The following ALK variants were observed in gnomAD, a reference collection of about 807,000 sequenced individuals.
ALK encodes the protein ALK tyrosine kinase receptor.
In ALK, 74 loss-of-function variants were observed where a neutral mutation model predicts 163.1. That is an observed-to-expected ratio of 0.45 (90% confidence interval 0.38 to 0.55). The LOEUF (loss-of-function observed/expected upper bound fraction) is 0.55, where lower values mean the gene tolerates loss of function less well. Among genes scored for constraint, ALK ranks in the 20% least tolerant of loss-of-function variants. The pLI, the probability that ALK is intolerant of heterozygous loss-of-function variation, is 0.00. For synonymous variants in ALK, 960 were observed against 843.2 expected, an observed-to-expected ratio of 1.14 and a Z score of -2.40; for missense variants, 2,063 against 2,105.3, an observed-to-expected ratio of 0.98 and a Z score of 0.39.
chr2:29,294,942 A>C (rs1573201705), intron 9 of ALK, among the ~76,000 whole-genome samples: 1 of 152,156 alleles, frequency 6.6e-6, no homozygotes, highest in African/African-American at 2.4e-5. Context: ...GCTGCACTTC[A>C]TTTTCCTTCA....
At chr2:29,917,995 T>C (rs957699996) in intron 1 of ALK, among the ~76,000 whole-genome samples, 8 of 152,244 alleles carry the variant, frequency 5.3e-5, no homozygotes, top group African/African-American at 1.7e-4. Flanking sequence ...AATGCTTCCC[T>C]ACAGCCAATA....
At chr2:29,739,557 CAAA>C (rs111281224) in intron 1 of ALK, among the ~76,000 whole-genome samples, 8 of 71,808 alleles carry the variant, frequency 1.1e-4, no homozygotes, top group Admixed American at 1.6e-4. Context: ...GAATCTGTCT[CAAA>C]AAAAAAAAAA....
intron 8 of ALK, among the ~76,000 whole-genome samples, chr2:29,308,611 CT>C (rs1365123425): frequency 2.0e-5 from 3 of 152,200 alleles, no homozygotes; most frequent in Non-Finnish European, 4.4e-5. Context: ...GGAACGCAAG[CT>C]TTCGTATCAG....
rs1430369916 is a variant in ALK, at chr2:29,275,401, C to T, written c.1912+1G>A. 1 of 1,613,968 alleles carries T rather than the reference C, an allele frequency of 6.2e-7. No individual in the cohort carries two copies. Among genetic ancestry groups the T allele is most frequent in the Non-Finnish European group, 8.5e-7 (1 of 1,179,988 alleles). ...GAGTGCTGGGGTCAGAGTGAACTCA[C>T]TGGTGAGGTAGCAGTCCAGGCTGAT... On this transcript the variant is annotated splice_donor_variant, in intron 10 of 28. Coordinates refer to ENST00000389048, the MANE Select transcript of ALK (RefSeq NM_004304.5). LOFTEE classifies it high-confidence loss of function.
intron 1 of ALK, among the ~76,000 whole-genome samples, chr2:29,817,020 C>A (rs895272056): frequency 6.6e-6 from 1 of 152,124 alleles, no homozygotes; most frequent in Non-Finnish European, 1.5e-5. Context: ...TACATCCTCA[C>A]AACAACCCTA....
intron 3 of ALK, among the ~76,000 whole-genome samples, chr2:29,612,073 A>C (rs1001789864): frequency 1.3e-5 from 2 of 152,124 alleles, no homozygotes; most frequent in East Asian, 3.9e-4. Flanking sequence ...CAGGGCCTGG[A>C]AGTGGCCGAC....
At chr2:29,729,261 C>G (rs1679668204) in intron 1 of ALK, among the ~76,000 whole-genome samples, 1 of 152,150 alleles carries the variant, frequency 6.6e-6, no homozygotes, top group Admixed American at 6.5e-5. Context: ...CCAGGGCCAG[C>G]AAGGTCAGAG....
chr2:29,642,252 C>T (rs898435677), intron 3 of ALK, among the ~76,000 whole-genome samples: 1 of 152,134 alleles, frequency 6.6e-6, no homozygotes, highest in African/African-American at 2.4e-5. Context: ...TTCAAATATG[C>T]ACCTTATTTC....
chr2:29,586,616 T>C (rs2148203043), intron 3 of ALK, among the ~76,000 whole-genome samples: 1 of 152,332 alleles, frequency 6.6e-6, no homozygotes, highest in Admixed American at 6.5e-5. Context: ...GTGGTCCTGT[T>C]ATCTACCTGG....
intron 5 of ALK, among the ~76,000 whole-genome samples, chr2:29,344,204 A>C (rs1667881997): frequency 6.6e-6 from 1 of 152,228 alleles, no homozygotes; most frequent in Non-Finnish European, 1.5e-5. Context: ...AATAAGTGCT[A>C]AAATAGGTGT....
intron 11 of ALK, 117 bp from the exon 12 acceptor site, chr2:29,251,384 G>A: frequency 9.4e-7 from 1 of 1,065,410 alleles, no homozygotes; most frequent in Non-Finnish European, 1.4e-6. Flanking sequence ...CATCCAAGAT[G>A]GCACCAAGGT....
chr2:29,253,892 A>ATAGG (rs59554701), intron 11 of ALK, among the ~76,000 whole-genome samples: 47 of 135,696 alleles, frequency 3.5e-4, no homozygotes, highest in African/African-American at 1.3e-3. Context: ...AGATAGATAG[A>ATAGG]TAGGTAGATA....
intron 1 of ALK, among the ~76,000 whole-genome samples, chr2:29,882,286 G>T (rs985140904): frequency 6.6e-6 from 1 of 152,184 alleles, no homozygotes; most frequent in Admixed American, 6.5e-5. Flanking sequence ...GCCACAAATT[G>T]CAAACAAGTC....
chr2:29,647,262 G>A (rs911667052), intron 3 of ALK, among the ~76,000 whole-genome samples: 1 of 152,106 alleles, frequency 6.6e-6, no homozygotes, highest in African/African-American at 2.4e-5. Flanking sequence ...CTCTCCTTAA[G>A]TGCTATACTT....
intron 4 of ALK, among the ~76,000 whole-genome samples, chr2:29,412,354 C>T (rs80352572): frequency 0.013 from 2,002 of 152,250 alleles, 37 homozygotes; most frequent in African/African-American, 0.046. Context: ...AGTACAGTGG[C>T]GCTGCATGCT....
chr2:29,373,485 A>G (rs1668683396), intron 5 of ALK, among the ~76,000 whole-genome samples: 1 of 152,228 alleles, frequency 6.6e-6, no homozygotes, highest in African/African-American at 2.4e-5. Context: ...TTCTGGGAGT[A>G]CAATGACCTC....
intron 1 of ALK, among the ~76,000 whole-genome samples, chr2:29,833,351 C>T (rs1489373015): frequency 6.6e-6 from 1 of 152,216 alleles, no homozygotes; most frequent in African/African-American, 2.4e-5. Flanking sequence ...CGGGCTTGGC[C>T]CTGAACCTGT....
chr2:29,864,326 C>T (rs746718842), intron 1 of ALK, among the ~76,000 whole-genome samples: 1 of 152,218 alleles, frequency 6.6e-6, no homozygotes, highest in Non-Finnish European at 1.5e-5. Flanking sequence ...CTGAAATACT[C>T]TTCTTTTGAA....
At chr2:29,281,033 T>G (rs1457603316) in intron 9 of ALK, among the ~76,000 whole-genome samples, 1 of 151,906 alleles carries the variant, frequency 6.6e-6, no homozygotes, top group African/African-American at 2.4e-5. Flanking sequence ...AGTTCTGGCA[T>G]GTACCAGGTA....
Sources: allele counts gnomAD v4.1 joint callset (sites outside exome capture counted in the v4.1 genomes callset), GRCh38; gene constraint gnomAD v4.1.1; transcripts MANE v1.5; gene names NCBI Gene and HGNC (gene_info 2026-07-23, HGNC 2026-07-21).